The following WDR75 variants were observed in gnomAD, a reference collection of about 807,000 sequenced individuals.
WDR75 encodes WD repeat domain 75, also known as WD repeat-containing protein 75.
WDR75 carries 52 observed loss-of-function variants against 106.1 expected under a neutral mutation model. The ratio of observed to expected loss-of-function variants is 0.49; its 90% confidence interval spans 0.39 to 0.62. WDR75 has a LOEUF of 0.62. Among genes scored for constraint, WDR75 ranks in the 20% least tolerant of loss-of-function variants. WDR75 has a pLI of 0.00. For synonymous variants in WDR75, 333 were observed against 335.5 expected (o/e 0.99, Z 0.08); for missense variants, 905 against 970.3 (o/e 0.93, Z 0.89).
At chr2:189,459,497 A>G (rs943371605) in intron 8 of WDR75, 73 bp downstream of exon 8, 53 of 1,400,704 alleles carry the variant, frequency 3.8e-5, no homozygotes, top group Non-Finnish European at 2.7e-5. Context: ...CTGTATTTTT[A>G]GTTTGGAAGA....
intron 8 of WDR75, 33 bp from the exon 9 acceptor site, chr2:189,462,450 AC>A (rs746247053): frequency 6.3e-7 from 1 of 1,599,800 alleles, no homozygotes; most frequent in South Asian, 1.1e-5. Flanking sequence ...TCCTCAAAAC[AC>A]CATCCTTTTA....
At chr2:189,474,394 G>A (rs1363166732) in intron 19 of WDR75, 62 bp downstream of exon 19, 11 of 1,533,538 alleles carry the variant, frequency 7.2e-6, no homozygotes, top group Admixed American at 2.1e-5. Context: ...TGAAGTTGGA[G>A]TTTTGACACA....
chr2:189,459,206 A>G, intron 7 of WDR75, 130 bp from the exon 8 acceptor site: 2 of 696,266 alleles, frequency 2.9e-6, no homozygotes, highest in South Asian at 4.4e-5. Flanking sequence ...AAATGTGCAC[A>G]TTAAGACCAG....
chr2:189,450,795 A>G, intron 2 of WDR75, 108 bp from the exon 3 acceptor site: 4 of 1,529,234 alleles, frequency 2.6e-6, no homozygotes, highest in Non-Finnish European at 1.7e-6. Flanking sequence ...TAAGGTTAAC[A>G]GTGAATTAAT....
At chr2:189,449,891 TTTAAAAATATTAA>T in intron 2 of WDR75, 1 of 984,376 alleles carries the variant, frequency 1.0e-6, no homozygotes, top group South Asian at 4.7e-5. Context: ...TGCCACTTTC[TTTAAAAATATTAA>T]AATTCTTTGT....
Position 189,475,425 on chromosome 2 carries a change from A to T in WDR75, c.*8A>T, listed in dbSNP as rs373681689. 8 of 1,562,956 alleles carry T rather than the reference A, an allele frequency of 5.1e-6. No individual in the cohort carries two copies. In the Admixed American group the frequency reaches 1.5e-4, roughly 28 times the overall value. On this transcript the variant is annotated 3_prime_UTR_variant, in exon 21 of 21. Transcript: ENST00000314761. The stretch of plus-strand genomic sequence containing the variant: ...TGGATAGCTGCCCTTTAAGCCTTGG[A>T]GATGGGGAGGATCCTTGGACTTTGT...
In WDR75 at chr2:189,468,564, G is replaced by C; in HGVS notation, c.1718G>C (p.Cys573Ser). The C allele has an allele frequency of 1.9e-6, 3 of 1,613,006 alleles. No individual in the cohort carries two copies. Among genetic ancestry groups the C allele is most frequent in the Non-Finnish European group, 2.5e-6 (3 of 1,179,196 alleles). The change falls in exon 15 of 21, where the codon TGT (cysteine) becomes TCT (serine). Residue 573 changes from cysteine to serine, a missense_variant. Transcript: ENST00000314761. ...CTTTGCTGTTGGAATCTGCTGAGCT[G>C]TGCATGTAAGATATTTTTTACTCTA... Reference protein sequence around the residue: ...GILCCWNLLSCALEWNAKLNV... With the variant: ...GILCCWNLLSSALEWNAKLNV...
Position 189,455,164 on chromosome 2 carries a change from C to T in WDR75, c.374-156C>T, listed in dbSNP as rs190157265. On this transcript the variant is annotated intron_variant, in intron 4 of 20. Coordinates refer to ENST00000314761, the MANE Select transcript of WDR75 (RefSeq NM_032168.3). ...GCTGAGGCAAGAGAATTGCTTGAAC[C>T]TGGGAGGCAGAGGTTGCAGTGAGCC... Among the ~76,000 whole-genome samples, 436 of 151,964 alleles carry T rather than the reference C, an allele frequency of 2.9e-3. 3 individuals carry two copies. The highest frequency in any genetic ancestry group is 9.8e-3 in the African/African-American group (404 of 41,348).
intron 5 of WDR75, 138 bp downstream of exon 5, chr2:189,455,582 C>T (rs1686716672): frequency 9.7e-6 from 11 of 1,133,258 alleles, no homozygotes; most frequent in Admixed American, 2.6e-5. Context: ...GAAGCCTCTT[C>T]ATTGCTTTAG....
At position 189,470,173 on chromosome 2, in the gene WDR75, C is replaced by T; in HGVS notation, c.1917C>T (p.Val639=). The change falls in exon 17 of 21, where the codon GTC becomes GTT. Residue 639 remains valine, a synonymous_variant. Coordinates refer to ENST00000314761, the MANE Select transcript of WDR75 (RefSeq NM_032168.3). ...GGGGAGTGTTTGTTCCACGAGATGTCCCTGAATCCTTCACCTCAGAAGCTT... is the reference window on the plus strand; with the variant it reads ...GGGGAGTGTTTGTTCCACGAGATGTTCCTGAATCCTTCACCTCAGAAGCTT... ...VQWGVFVPRD[V]PESFTSEAYQ... is the part of the protein sequence containing the mutation. 1.2e-6 allele frequency: 2 copies of T among 1,613,600 alleles called. No individual in the cohort carries two copies. The highest frequency in any genetic ancestry group is 1.3e-5 in the African/African-American group (1 of 74,988).
intron 1 of WDR75, among the ~76,000 whole-genome samples, chr2:189,447,130 T>A (rs148547768): frequency 0.011 from 1,648 of 152,320 alleles, 17 homozygotes; most frequent in Non-Finnish European, 0.014. Context: ...CTGTAGGTAA[T>A]TAAAACCAGG....
In WDR75 at chr2:189,455,301, T is replaced by C. The variant is rs201018179; in HGVS notation, c.374-19T>C. The C allele has an allele frequency of 7.7e-5, 124 of 1,609,646 alleles. No homozygotes were observed. The highest frequency in any genetic ancestry group is 9.8e-5 in the Non-Finnish European group (115 of 1,178,812). ...TCTCTCTAGAGAAGCTTTATATTAA[T>C]ATAGCTTTCTTTGGCTAGATATATT... On this transcript the variant is annotated intron_variant, in intron 4 of 20. Transcript: ENST00000314761.
At chr2:189,446,880 A>G (rs1686509732) in intron 1 of WDR75, among the ~76,000 whole-genome samples, 1 of 152,192 alleles carries the variant, frequency 6.6e-6, no homozygotes, top group Admixed American at 6.5e-5. Context: ...TGGGGCCATT[A>G]TTAAGTAAAA....
chr2:189,447,909 T>A (rs1457823615), intron 1 of WDR75, among the ~76,000 whole-genome samples: 1 of 152,168 alleles, frequency 6.6e-6, no homozygotes, highest in Non-Finnish European at 1.5e-5. Flanking sequence ...GAATTGTAGC[T>A]CCCATAATTT....
intron 1 of WDR75, among the ~76,000 whole-genome samples, chr2:189,444,496 C>T (rs1338016203): frequency 6.6e-6 from 1 of 152,136 alleles, no homozygotes; most frequent in Non-Finnish European, 1.5e-5. Context: ...TGAATTATTG[C>T]ACTGGGGTTG....
chr2:189,444,059 A>G lies in WDR75; in HGVS notation c.86+2481A>G, dbSNP rs547856653. Among the ~76,000 whole-genome samples, 6 of 152,284 alleles carry G rather than the reference A, an allele frequency of 3.9e-5. No individual in the cohort carries two copies. The South Asian group carries it at 6.2e-4, about 16-fold the overall frequency. On this transcript the variant is annotated intron_variant, in intron 1 of 20. Coordinates refer to ENST00000314761, the MANE Select transcript of WDR75 (RefSeq NM_032168.3). The stretch of plus-strand genomic sequence containing the variant: ...TATAGCTAGTAGTAGGTAGAAATTC[A>G]GGACTGAAGTTTGGAGAACTTGGTC...
chr2:189,463,794 A>G, intron 10 of WDR75, 41 bp downstream of exon 10: 3 of 1,613,502 alleles, frequency 1.9e-6, no homozygotes, highest in Non-Finnish European at 2.5e-6. Context: ...TGAACATTTT[A>G]AAGAGTGCAT....
At chr2:189,452,436 C>T (rs144894804) in intron 4 of WDR75, among the ~76,000 whole-genome samples, 3,639 of 152,054 alleles carry the variant, frequency 0.024, 157 homozygotes, top group African/African-American at 0.084. Flanking sequence ...GTGGCAGGCA[C>T]CTGTAGTCCC....
Position 189,443,817 on chromosome 2 carries a change from G to A in WDR75, c.86+2239G>A, listed in dbSNP as rs114303661. Among the ~76,000 whole-genome samples, 538 of 152,304 alleles carry A rather than the reference G, an allele frequency of 3.5e-3. 4 individuals carry two copies. Among genetic ancestry groups the A allele is most frequent in the African/African-American group, 0.011 (457 of 41,556 alleles). On this transcript the variant is annotated intron_variant, in intron 1 of 20. Coordinates refer to ENST00000314761, the MANE Select transcript of WDR75 (RefSeq NM_032168.3). Reference sequence around the variant, plus strand: ...AGTGTAATTGCAGCATAGGGTATAAGAGATGGCAGGAAAAGACTCTGGAAG... The same window carrying A: ...AGTGTAATTGCAGCATAGGGTATAAAAGATGGCAGGAAAAGACTCTGGAAG...
Sources: allele counts gnomAD v4.1 joint callset (sites outside exome capture counted in the v4.1 genomes callset), GRCh38; gene constraint gnomAD v4.1.1; transcripts MANE v1.5; gene names NCBI Gene and HGNC (gene_info 2026-07-23, HGNC 2026-07-21).